The following BBOX1 variants were observed in gnomAD, a reference collection of about 807,000 sequenced individuals.
BBOX1 encodes the protein gamma-butyrobetaine dioxygenase.
Under a neutral mutation model 41.6 loss-of-function variants are expected in BBOX1, and 35 were observed. That is an observed-to-expected ratio of 0.84 (90% CI 0.64 to 1.11). The LOEUF is 1.11. BBOX1 is among the 50% of genes most tolerant of loss of function. BBOX1 has a pLI of 0.00. For synonymous variants in BBOX1, 163 were observed against 154.7 expected (o/e 1.05, Z -0.40); for missense variants, 458 against 460.6 (o/e 0.99, Z 0.05).
intron 6 of BBOX1, among the ~76,000 whole-genome samples, chr11:27,116,604 G>A (rs1190910520): frequency 6.6e-6 from 1 of 151,944 alleles, no homozygotes; most frequent in Admixed American, 6.6e-5. Flanking sequence ...ACCTGCAATT[G>A]GTTGCTAAGT....
At position 27,093,289 on chromosome 11, in the gene BBOX1, C is replaced by A. The variant is rs1013106465; in HGVS notation, c.456C>A (p.Leu152=). ...STLKKVGIVR[L]TGASDKPGEV... ...TCAAGAAAGTAGGCATAGTAAGACTCACCGGAGCATCTGACAAACCAGGAG... is the reference window on the plus strand; with the variant it reads ...TCAAGAAAGTAGGCATAGTAAGACTAACCGGAGCATCTGACAAACCAGGAG... Residue 152 remains leucine, a synonymous_variant, in exon 5 of 9, where the codon CTC becomes CTA. Transcript: ENST00000263182. 1 of 1,612,462 alleles carries A rather than the reference C, an allele frequency of 6.2e-7. No homozygotes were observed. Among genetic ancestry groups the A allele is most frequent in the Admixed American group, 1.7e-5 (1 of 59,804 alleles).
intron 4 of BBOX1, among the ~76,000 whole-genome samples, chr11:27,088,653 C>T (rs1393963950): frequency 1.3e-5 from 2 of 151,928 alleles, no homozygotes. Context: ...GATATTCAGA[C>T]ACAGGACATA....
In BBOX1 at chr11:27,070,469, G is replaced by T. The variant is rs183038973; in HGVS notation, c.334+13154G>T. ...GTTAGAGGCATATATATTTAGGATT[G>T]TAATATCTTCTTGTTGGATTGATTC... On this transcript the variant is annotated intron_variant, in intron 4 of 8. Coordinates refer to ENST00000263182, the MANE Select transcript of BBOX1 (RefSeq NM_003986.3). Among the ~76,000 whole-genome samples the T allele has an allele frequency of 2.5e-3, 383 of 152,154 alleles. 6 individuals are homozygous for T. The highest frequency in any genetic ancestry group is 8.8e-3 in the African/African-American group (364 of 41,548).
At chr11:27,082,544 T>C (rs1254273511) in intron 4 of BBOX1, among the ~76,000 whole-genome samples, 1 of 152,158 alleles carries the variant, frequency 6.6e-6, no homozygotes, top group Non-Finnish European at 1.5e-5. Context: ...ACAACCCTTT[T>C]CCCATTGTCT....
At chr11:27,086,010 G>GAGAGA (rs1415852085) in intron 4 of BBOX1, among the ~76,000 whole-genome samples, 1 of 152,134 alleles carries the variant, frequency 6.6e-6, no homozygotes, top group Non-Finnish European at 1.5e-5. Context: ...TGAAGCCTGA[G>GAGAGA]AGAGGTAAAG....
rs3183973 is a variant in BBOX1 at position 27,093,241 on chromosome 11, C to T, written c.408C>T (p.His136=). The change falls in exon 5 of 9, where the codon CAC becomes CAT. Residue 136 remains histidine (H), a synonymous_variant. Coordinates refer to ENST00000263182, the MANE Select transcript of BBOX1 (RefSeq NM_003986.3). ...AAGATGTTTTAAGATATGATGAACA[C>T]GCATACAAGTGGCTCTCCACCCTCA... ...DFEDVLRYDE[H]AYKWLSTLKK... is the part of the protein sequence containing the mutation. The T allele has an allele frequency of 0.24, 384,463 of 1,611,976 alleles. 52,798 individuals carry two copies. Among genetic ancestry groups the T allele is most frequent in the African/African-American group, 0.59 (44,313 of 74,776 alleles).
intron 8 of BBOX1, among the ~76,000 whole-genome samples, 197 bp from the exon 9 acceptor site, chr11:27,127,096 T>C (rs914432449): frequency 5.9e-5 from 9 of 152,166 alleles, no homozygotes; most frequent in African/African-American, 2.2e-4. Context: ...GGTAGTTTAA[T>C]TGTCATAAGG....
Position 27,055,405 on chromosome 11 carries a change from A to G in BBOX1, c.-26A>G, listed in dbSNP as rs1330723994. 3.1e-6 allele frequency: 5 copies of G among 1,603,076 alleles called. No homozygotes were observed. In the South Asian group the frequency reaches 3.3e-5, roughly 11 times the overall value. On this transcript the variant is annotated 5_prime_UTR_variant, in exon 3 of 9. Coordinates refer to ENST00000263182, the MANE Select transcript of BBOX1 (RefSeq NM_003986.3). ...TGATTTGTCATAGCAGGTAGCTGAC[A>G]GCATCTACTCCTGAAGACCGGAAAC... is the stretch of plus-strand genomic sequence containing the variant.
chr11:27,080,598 G>T (rs1439960296), intron 4 of BBOX1, among the ~76,000 whole-genome samples: 1 of 152,054 alleles, frequency 6.6e-6, no homozygotes, highest in Non-Finnish European at 1.5e-5. Flanking sequence ...ACAAATAAAT[G>T]TACAAATATA....
chr11:27,075,606 C>G (rs986896164), intron 4 of BBOX1, among the ~76,000 whole-genome samples: 1 of 152,180 alleles, frequency 6.6e-6, no homozygotes, highest in East Asian at 1.9e-4. Context: ...CCCAGTCACA[C>G]TCCTGACCCA....
At chr11:27,074,744 A>C (rs1042683390) in intron 4 of BBOX1, among the ~76,000 whole-genome samples, 3 of 152,240 alleles carry the variant, frequency 2.0e-5, no homozygotes, top group African/African-American at 4.8e-5. Context: ...AGTTACATTT[A>C]AAAGGGAAGA....
intron 5 of BBOX1, among the ~76,000 whole-genome samples, chr11:27,109,478 T>C (rs1290046278): frequency 2.6e-5 from 4 of 152,126 alleles, no homozygotes; most frequent in African/African-American, 9.6e-5. Context: ...TTTCTAGATT[T>C]GAGATTATGA....
intron 5 of BBOX1, among the ~76,000 whole-genome samples, chr11:27,110,769 C>T (rs545609269): frequency 6.6e-6 from 1 of 151,726 alleles, no homozygotes; most frequent in South Asian, 2.1e-4. Flanking sequence ...TCTTTTTGTT[C>T]CCTGCTGTAT....
intron 5 of BBOX1, 39 bp from the exon 6 acceptor site, chr11:27,115,413 T>C (rs765016334): frequency 1.3e-6 from 2 of 1,534,204 alleles, no homozygotes; most frequent in Middle Eastern, 3.4e-4. Flanking sequence ...TCTGGCTTAG[T>C]GACAACCTGT....
At chr11:27,123,046 AC>A (rs1564993031) in intron 7 of BBOX1, among the ~76,000 whole-genome samples, 1 of 152,220 alleles carries the variant, frequency 6.6e-6, no homozygotes, top group East Asian at 1.9e-4. Flanking sequence ...GGTACCAGCT[AC>A]CCATCTCCTC....
At chr11:27,078,890 C>A (rs973576042) in intron 4 of BBOX1, among the ~76,000 whole-genome samples, 2 of 152,064 alleles carry the variant, frequency 1.3e-5, no homozygotes, top group African/African-American at 4.8e-5. Context: ...GAGGCGATGC[C>A]TATTAGCCTT....
At chr11:27,054,205 CTG>C (rs57324926) in intron 2 of BBOX1, among the ~76,000 whole-genome samples, 24,087 of 139,326 alleles carry the variant, frequency 0.17, 2,348 homozygotes, top group East Asian at 0.29. Context: ...GTGTGTGTGT[CTG>C]TGTGTGTGTG....
At chr11:27,059,613 C>T (rs967739444) in intron 4 of BBOX1, among the ~76,000 whole-genome samples, 4 of 152,152 alleles carry the variant, frequency 2.6e-5, no homozygotes, top group Non-Finnish European at 5.9e-5. Flanking sequence ...AGGCACTCAA[C>T]GACCTGTGAC....
chr11:27,118,772 T>C (rs1261945750), intron 6 of BBOX1, among the ~76,000 whole-genome samples: 2 of 152,004 alleles, frequency 1.3e-5, no homozygotes, highest in Admixed American at 1.3e-4. Flanking sequence ...TTGACATATG[T>C]AAATAACATT....
Sources: gnomAD v4.1 joint callset for allele counts (sites outside exome capture counted in the v4.1 genomes callset) on GRCh38, gnomAD v4.1.1 for gene constraint, MANE v1.5 for transcripts, NCBI Gene and HGNC (gene_info 2026-07-23, HGNC 2026-07-21) for gene names.